Variants in NFIC observed in about 807,000 individuals in gnomAD.
The protein encoded by NFIC is nuclear factor I C.
A neutral mutation model predicts 54.4 loss-of-function variants in NFIC; 12 were observed. The ratio of observed to expected loss-of-function variants is 0.22; its 90% CI spans 0.14 to 0.36. The LOEUF is 0.36. Ranked by LOEUF, NFIC falls within the 10% of genes least tolerant of loss-of-function variation. NFIC has a pLI of 1.00. For synonymous variants in NFIC, 322 were observed against 319.2 expected (o/e 1.01, Z -0.09); for missense variants, 575 against 718.2 (o/e 0.80, Z 2.28).
chr19:3,381,900 G>A lies in NFIC; in HGVS notation c.219G>A (p.Ala73=), dbSNP rs750273583. The A allele has an allele frequency of 5.0e-6, 8 of 1,613,716 alleles. No individual in the cohort carries two copies. The African/African-American group carries it at 6.7e-5, about 13-fold the overall frequency. The change falls in exon 2 of 11, where the codon GCG becomes GCA. Residue 73 remains alanine, a synonymous_variant. Coordinates refer to ENST00000443272, the MANE Select transcript of NFIC (RefSeq NM_001245002.2). ...AGCCCGAGGTCAAGCAGAAGTGGGCGTCGCGGCTGCTGGCCAAGCTGCGCA... is the reference window on the plus strand; with the variant it reads ...AGCCCGAGGTCAAGCAGAAGTGGGCATCGCGGCTGCTGGCCAAGCTGCGCA... ...GEKPEVKQKW[A]SRLLAKLRKD... is the part of the protein sequence containing the mutation.
rs540682872 is a variant in NFIC, at chr19:3,382,376, C to T, written c.562+133C>T. The T allele has an allele frequency of 5.0e-5, 65 of 1,298,792 alleles. No homozygotes were observed. In the South Asian group the frequency reaches 8.9e-4, roughly 18 times the overall value. The allele number at this position is 1,298,792 out of a possible 1,614,324, so 80.5% of individuals were successfully genotyped here. The stretch of plus-strand genomic sequence containing the variant: ...GTGGTGGTCTGAGAGGGGAAGTGGG[C>T]CTTGGAGAGTGCCCAATGGGGGCGA... On this transcript the variant is annotated intron_variant, in intron 2 of 10. Transcript: ENST00000443272.
chr19:3,433,634 G>T, intron 4 of NFIC, 42 bp downstream of exon 4: 2 of 1,604,154 alleles, frequency 1.2e-6, no homozygotes, highest in Non-Finnish European at 1.7e-6. Flanking sequence ...TTGGAGAGGG[G>T]AGGGGGCCGC....
intron 1 of NFIC, among the ~76,000 whole-genome samples, chr19:3,374,692 G>T (rs2081075471): frequency 6.6e-6 from 1 of 152,286 alleles, no homozygotes; most frequent in East Asian, 1.9e-4. Context: ...AGGAGTTTGG[G>T]AGGATTTTCA....
chr19:3,393,249 G>C (rs1308482048), intron 2 of NFIC, among the ~76,000 whole-genome samples: 2 of 152,120 alleles, frequency 1.3e-5, no homozygotes, highest in Admixed American at 6.6e-5. Flanking sequence ...AGGTCCGCTT[G>C]GCTGTTCCAC....
In NFIC at chr19:3,404,796, G is replaced by A. The variant is rs565861830; in HGVS notation, c.563-20310G>A. Among the ~76,000 whole-genome samples the A allele has an allele frequency of 2.6e-3, 399 of 152,334 alleles. 2 individuals are homozygous for A. The highest frequency in any genetic ancestry group is 6.3e-3 in the Admixed American group (96 of 15,304). On this transcript the variant is annotated intron_variant, in intron 2 of 10. Transcript: ENST00000443272. The stretch of plus-strand genomic sequence containing the variant: ...TCCCCAGCACGGGGCGAGTCCCTAC[G>A]CGCAGGCCTCCGAGCAGGGGCCCTG...
chr19:3,435,477 C>T (rs2082186633), intron 6 of NFIC, among the ~76,000 whole-genome samples: 1 of 152,232 alleles, frequency 6.6e-6, no homozygotes, highest in South Asian at 2.1e-4. Flanking sequence ...GTGAATGCCA[C>T]ATCTCTGTGG....
chr19:3,412,806 ACTCCCAC>A (rs1413939067), intron 2 of NFIC, among the ~76,000 whole-genome samples: 13 of 151,820 alleles, frequency 8.6e-5, no homozygotes, highest in African/African-American at 3.1e-4. Context: ...CCACACCCTG[ACTCCCAC>A]CTCAGTGGCC....
chr19:3,361,843 T>C (rs1211341063), upstream of NFIC, among the ~76,000 whole-genome samples: 1 of 151,176 alleles, frequency 6.6e-6, no homozygotes, highest in Non-Finnish European at 1.5e-5. Context: ...CATGCAGTCA[T>C]AGTTACACAC....
upstream of NFIC, among the ~76,000 whole-genome samples, chr19:3,364,516 C>T (rs531019908): frequency 1.3e-5 from 2 of 152,322 alleles, no homozygotes; most frequent in African/African-American, 2.4e-5. Context: ...GGCTGCTGTT[C>T]GTACACTTGC....
rs1464956455 is a variant in NFIC, at chr19:3,463,486, G to A, written c.*717G>A. The stretch of plus-strand genomic sequence containing the variant: ...GGCCCAGGCACCTGCTGCCCCTCGA[G>A]GGGGCCCTGCCTGCCGCGGGGCCTC... On this transcript the variant is annotated 3_prime_UTR_variant, in exon 11 of 11. Transcript: ENST00000443272. 2.0e-6 allele frequency: 2 copies of A among 985,250 alleles called. No individual in the cohort carries two copies. Among genetic ancestry groups the A allele is most frequent in the African/African-American group, 1.7e-5 (1 of 57,186 alleles). The allele number at this position is 985,250 out of a possible 1,614,324, so 61.0% of individuals were successfully genotyped here.
intron 9 of NFIC, among the ~76,000 whole-genome samples, chr19:3,454,886 C>T (rs530267099): frequency 6.6e-6 from 1 of 152,150 alleles, no homozygotes; most frequent in Non-Finnish European, 1.5e-5. Flanking sequence ...AGGCTGCCTG[C>T]CCATAAAAAC....
At chr19:3,364,244 G>A (rs991402804), upstream of NFIC, among the ~76,000 whole-genome samples, 2 of 151,956 alleles carry the variant, frequency 1.3e-5, no homozygotes, top group Non-Finnish European at 2.9e-5. Context: ...CCACATGCAG[G>A]TCCCAATCTA....
Position 3,369,516 on chromosome 19 carries a change from G to A in NFIC, c.30+2850G>A, listed in dbSNP as rs1205274882. On this transcript the variant is annotated intron_variant, in intron 1 of 10. Coordinates refer to ENST00000443272, the MANE Select transcript of NFIC (RefSeq NM_001245002.2). This position sits in a 1 kb window ranked among gnomAD's most constrained non-coding sequence, Gnocchi z 4.3. ...CTTCTCGGGAGCCGAGGCTGGCGGGGGGTGGGGGGCATCTCGGTGCCAGCC... is the reference window on the plus strand; with the variant it reads ...CTTCTCGGGAGCCGAGGCTGGCGGGAGGTGGGGGGCATCTCGGTGCCAGCC... 1.3e-5 allele frequency among the ~76,000 whole-genome samples: 2 copies of A among 152,174 alleles called. No homozygotes were observed. The highest frequency in any genetic ancestry group is 2.9e-5 in the Non-Finnish European group (2 of 68,032).
chr19:3,464,127 C>T lies in NFIC; in HGVS notation c.*1358C>T, dbSNP rs1425462069. ...TTACATTCTGGAGCGACCCCCCTCC[C>T]TGGTGCCTCCCAGCGAAGGGGGACC... On this transcript the variant is annotated 3_prime_UTR_variant, in exon 11 of 11. Coordinates refer to ENST00000443272, the MANE Select transcript of NFIC (RefSeq NM_001245002.2). The T allele has an allele frequency of 4.1e-6, 4 of 985,338 alleles. No homozygotes were observed. The African/African-American group carries it at 7.0e-5, about 17-fold the overall frequency. The allele number at this position is 985,338 out of a possible 1,614,324, so 61.0% of individuals were successfully genotyped here.
intron 2 of NFIC, among the ~76,000 whole-genome samples, chr19:3,423,529 G>T (rs560233803): frequency 5.9e-4 from 90 of 152,210 alleles, no homozygotes; most frequent in Non-Finnish European, 1.1e-3. Flanking sequence ...GGTGGGGCTG[G>T]GGAGGGGCGT....
At position 3,452,545 on chromosome 19, in the gene NFIC, A is replaced by G; in HGVS notation, c.1148A>G (p.Gln383Arg). The G allele has an allele frequency of 1.2e-6, 2 of 1,613,592 alleles. No individual in the cohort carries two copies. The highest frequency in any genetic ancestry group is 1.7e-6 in the Non-Finnish European group (2 of 1,179,970). The change falls in exon 8 of 11, where the codon CAG becomes CGG. Residue 383 changes from glutamine (Q) to arginine (R), a missense_variant. Physicochemically the swap from Gln to Arg is conservative, Grantham distance 43. Around this residue, in one of 3 missense-constraint regions of NFIC, gnomAD observed 447 missense variants for 526.9 expected, o/e 0.85. Transcript: ENST00000443272. The surrounding 1 kb of genome is among the most constrained non-coding windows in gnomAD (Gnocchi z 5.3). ...TTCCCTACGACGTCCATCCTACCCCAGACGGCCTCCACCTACTTCCCCCAC... is the reference window on the plus strand; with the variant it reads ...TTCCCTACGACGTCCATCCTACCCCGGACGGCCTCCACCTACTTCCCCCAC... The part of the protein sequence containing the change: ...LHFPTTSILP[Q>R]TASTYFPHTA...
At chr19:3,456,044 T>TA (rs1178666970) in intron 9 of NFIC, among the ~76,000 whole-genome samples, 1 of 152,118 alleles carries the variant, frequency 6.6e-6, no homozygotes, top group Non-Finnish European at 1.5e-5. Flanking sequence ...GGCCGTGAGT[T>TA]ACTCACACGC....
chr19:3,410,585 C>G (rs2081740345), intron 2 of NFIC: 1 of 152,546 alleles, frequency 6.6e-6, no homozygotes, highest in Non-Finnish European at 1.5e-5. Context: ...CATGCAGGGC[C>G]TTGTGGGCCA....
rs2080984928 is a variant in NFIC, at chr19:3,370,585, C to T, written c.30+3919C>T. ...TCTGTCTCCCTTTCCGTCTTTCCCT[C>T]TTCCTTTCTCTCTCTCTCCCCGTCT... On this transcript the variant is annotated intron_variant, in intron 1 of 10. Coordinates refer to ENST00000443272, the MANE Select transcript of NFIC (RefSeq NM_001245002.2). This position sits in a 1 kb window ranked among gnomAD's most constrained non-coding sequence, Gnocchi z 5.2. Among the ~76,000 whole-genome samples the T allele has an allele frequency of 6.6e-6, 1 of 150,636 alleles. No individual in the cohort carries two copies. Among genetic ancestry groups the T allele is most frequent in the Admixed American group, 6.6e-5 (1 of 15,116 alleles).
Sources: allele counts gnomAD v4.1 joint callset (sites outside exome capture counted in the v4.1 genomes callset), GRCh38; gene constraint gnomAD v4.1.1; regional missense constraint gnomAD v4.1.1; non-coding constraint Gnocchi (gnomAD v3.1); transcripts MANE v1.5; gene names NCBI Gene and HGNC (gene_info 2026-07-23, HGNC 2026-07-21).